FGF14: variants seen among roughly 807,000 people sequenced by gnomAD.
FGF14 encodes fibroblast growth factor homologous factor 4.
Under a neutral mutation model 25.5 loss-of-function variants are expected in FGF14, and 5 were observed. The observed-to-expected ratio is 0.20, with a 90% CI of 0.10 to 0.41. The LOEUF (loss-of-function observed/expected upper bound fraction) is 0.41, where lower values mean the gene tolerates loss of function less well. FGF14 is among the 10% of genes least tolerant of loss of function. FGF14 has a pLI of 1.00. For synonymous variants in FGF14, 138 were observed against 118.3 expected, an observed-to-expected ratio of 1.17 and a Z score of -1.08; for missense variants, 222 against 320.1, an observed-to-expected ratio of 0.69 and a Z score of 2.34.
chr13:101,872,795 C>T (rs1028923647), intron 2 of FGF14, among the ~76,000 whole-genome samples: 18 of 151,990 alleles, frequency 1.2e-4, no homozygotes, highest in African/African-American at 3.4e-4. Context: ...AACTAACTGG[C>T]TTACAGTGCA....
At chr13:101,986,622 G>A (rs1042351554) in intron 1 of FGF14, among the ~76,000 whole-genome samples, 2 of 152,068 alleles carry the variant, frequency 1.3e-5, no homozygotes, top group Admixed American at 6.6e-5. Context: ...TAAAAATGAG[G>A]CTTAGAAAAT....
chr13:102,360,886 T>TAC lies in FGF14; in HGVS notation c.208+40583_208+40584dup, dbSNP rs763764430. Among the ~76,000 whole-genome samples the TAC allele has an allele frequency of 1.6e-3, 244 of 151,624 alleles. 1 individual carries two copies. Among genetic ancestry groups the TAC allele is most frequent in the Non-Finnish European group, 2.4e-3 (164 of 67,788 alleles). On this transcript the variant is annotated intron_variant, in intron 1 of 4. Transcript: ENST00000376131. ...ACTTGTGCGTGCACACACACACACA[T>TAC]ACACACACACACGAGCCACAAATTG... is the stretch of plus-strand genomic sequence containing the variant.
chr13:101,754,910 G>T lies in FGF14; in HGVS notation c.409-28100C>A, dbSNP rs2037542715. 2.0e-5 allele frequency among the ~76,000 whole-genome samples: 3 copies of T among 151,976 alleles called. No individual in the cohort carries two copies. In the South Asian group the frequency reaches 6.2e-4, roughly 32 times the overall value. On this transcript the variant is annotated intron_variant, in intron 3 of 4. Transcript: ENST00000376143. The stretch of plus-strand genomic sequence containing the variant: ...CGGTTCTCATTTAACTGTAAACTAG[G>T]GTTAAAATGCTAAGTAGAATACACT...
At chr13:102,379,413 TAC>T (rs34770707) in intron 1 of FGF14, among the ~76,000 whole-genome samples, 56,911 of 149,752 alleles carry the variant, frequency 0.38, 13,486 homozygotes, top group African/African-American at 0.68. Flanking sequence ...GATATACACA[TAC>T]ACACACACAC....
intron 1 of FGF14, among the ~76,000 whole-genome samples, chr13:102,114,234 T>C (rs1164474444): frequency 1.3e-5 from 2 of 152,250 alleles, no homozygotes; most frequent in South Asian, 2.1e-4. Context: ...TCGAGTTCTT[T>C]GCCTGTTTTC....
In FGF14 at chr13:101,833,108, A is replaced by G. The variant is rs191615106; in HGVS notation, c.408+35617T>C. Among the ~76,000 whole-genome samples, 149 of 151,994 alleles carry G rather than the reference A, an allele frequency of 9.8e-4. 1 individual carries two copies. The highest frequency in any genetic ancestry group is 3.4e-3 in the African/African-American group (143 of 41,474). ...GAGAAGGTTTCCACTTTTTCCTATC[A>G]CTCATGTCAGGCCAGGGTGGGTAGG... On this transcript the variant is annotated intron_variant, in intron 3 of 4. Coordinates refer to ENST00000376143, the MANE Select transcript of FGF14 (RefSeq NM_004115.4).
chr13:102,096,149 C>T (rs896296980), intron 1 of FGF14, among the ~76,000 whole-genome samples: 1 of 151,622 alleles, frequency 6.6e-6, no homozygotes, highest in East Asian at 1.9e-4. Flanking sequence ...AAATAATGAC[C>T]TTTTAGCAAA....
chr13:101,737,711 T>C (rs902990716), intron 3 of FGF14, among the ~76,000 whole-genome samples: 1 of 152,200 alleles, frequency 6.6e-6, no homozygotes, highest in Non-Finnish European at 1.5e-5. Flanking sequence ...ATTTGAATTG[T>C]ATTTTAATAA....
chr13:101,777,818 G>T (rs1196388083), intron 3 of FGF14, among the ~76,000 whole-genome samples: 1 of 152,020 alleles, frequency 6.6e-6, no homozygotes, highest in East Asian at 1.9e-4. Flanking sequence ...GAAAAAATTA[G>T]TTGGGCATGG....
chr13:102,097,995 G>T (rs943349817), intron 1 of FGF14, among the ~76,000 whole-genome samples: 1 of 152,210 alleles, frequency 6.6e-6, no homozygotes, highest in Non-Finnish European at 1.5e-5. Flanking sequence ...TCACTGGAAT[G>T]CACTAGGGCT....
chr13:101,852,376 A>C (rs2043896860), intron 3 of FGF14, among the ~76,000 whole-genome samples: 1 of 152,054 alleles, frequency 6.6e-6, no homozygotes, highest in Non-Finnish European at 1.5e-5. Flanking sequence ...TTTTCAAACA[A>C]CCTTCTATAC....
intron 1 of FGF14, among the ~76,000 whole-genome samples, chr13:102,077,746 A>G (rs539550130): frequency 6.6e-6 from 1 of 152,288 alleles, no homozygotes; most frequent in South Asian, 2.1e-4. Flanking sequence ...AAAAAATTAA[A>G]AATAGAACTA....
chr13:102,062,820 A>G (rs1177751112), intron 1 of FGF14, among the ~76,000 whole-genome samples: 1 of 152,224 alleles, frequency 6.6e-6, no homozygotes, highest in African/African-American at 2.4e-5. Flanking sequence ...GTGTTCAGCA[A>G]TACTAAAAAA....
chr13:102,194,356 T>C (rs2049255476), intron 1 of FGF14, among the ~76,000 whole-genome samples: 1 of 152,190 alleles, frequency 6.6e-6, no homozygotes. Context: ...CATGGTGGTC[T>C]GCTGCACATA....
At chr13:102,031,848 T>C (rs959543287) in intron 1 of FGF14, among the ~76,000 whole-genome samples, 5 of 152,010 alleles carry the variant, frequency 3.3e-5, no homozygotes, top group African/African-American at 1.2e-4. Context: ...AATCAAACAA[T>C]TTATAAAGAA....
intron 3 of FGF14, among the ~76,000 whole-genome samples, chr13:101,779,853 A>G (rs565237541): frequency 2.0e-5 from 3 of 152,236 alleles, no homozygotes; most frequent in Non-Finnish European, 4.4e-5. Flanking sequence ...AATGTCATGT[A>G]GAATCTCTTA....
In FGF14 at chr13:102,009,870, T is replaced by TATTTC. The variant is rs1190352557; in HGVS notation, c.209-134575_209-134574insGAAAT. On this transcript the variant is annotated intron_variant, in intron 1 of 4. Coordinates refer to the FGF14 transcript ENST00000376131. The stretch of plus-strand genomic sequence containing the variant: ...ACATGTTTTAGAAATATAGAGGTTA[T>TATTTC]TAGTGAAGCCTTCCAAAGCCATACA... Among the ~76,000 whole-genome samples the TATTTC allele has an allele frequency of 7.2e-5, 11 of 152,286 alleles. No individual in the cohort carries two copies. In the East Asian group the frequency reaches 2.1e-3, roughly 29 times the overall value.
intron 1 of FGF14, among the ~76,000 whole-genome samples, chr13:102,202,774 C>A (rs564491288): frequency 6.6e-6 from 1 of 152,288 alleles, no homozygotes; most frequent in African/African-American, 2.4e-5. Context: ...ACGTAGTAGA[C>A]AATTTGGTAA....
chr13:101,914,159 T>C (rs2033234353), intron 1 of FGF14, among the ~76,000 whole-genome samples: 1 of 151,596 alleles, frequency 6.6e-6, no homozygotes, highest in South Asian at 2.1e-4. Context: ...AAGGTAAATA[T>C]GCTTGAAAAT....
Sources: gnomAD v4.1 joint callset for allele counts (sites outside exome capture counted in the v4.1 genomes callset) on GRCh38, gnomAD v4.1.1 for gene constraint, MANE v1.5 for transcripts, NCBI Gene and HGNC (gene_info 2026-07-23, HGNC 2026-07-21) for gene names.